ZNF583: variants seen among roughly 807,000 people sequenced by gnomAD.
ZNF583 encodes zinc finger protein 583.
Under a neutral mutation model 55.3 loss-of-function variants are expected in ZNF583, and 30 were observed. The observed-to-expected ratio is 0.54, with a 90% CI of 0.41 to 0.74. ZNF583 has a LOEUF of 0.74. Among genes scored for constraint, ZNF583 ranks in the 30% least tolerant of loss-of-function variants. ZNF583 has a pLI of 0.00. For missense variants in ZNF583, 504 were observed against 664.7 expected (o/e 0.76, Z 2.66); for synonymous variants, 208 against 220.0 (o/e 0.95, Z 0.48).
At chr19:56,416,726 G>A (rs2042330808) in intron 4 of ZNF583, among the ~76,000 whole-genome samples, 1 of 150,518 alleles carries the variant, frequency 6.6e-6, no homozygotes, top group African/African-American at 2.5e-5. Flanking sequence ...AGAGTTTTCT[G>A]GTTTTATTGT....
chr19:56,421,860 G>A (rs2042420947), intron 4 of ZNF583, among the ~76,000 whole-genome samples: 1 of 152,186 alleles, frequency 6.6e-6, no homozygotes, highest in Admixed American at 6.5e-5. Context: ...GCTATGAAGT[G>A]CAAAGCAGGA....
chr19:56,422,736 T>G (rs2147611347), intron 4 of ZNF583, among the ~76,000 whole-genome samples, 155 bp from the exon 5 acceptor site: 1 of 152,318 alleles, frequency 6.6e-6, no homozygotes, highest in Admixed American at 6.5e-5. Flanking sequence ...TAATCAACTC[T>G]CTTAAATTCT....
chr19:56,412,042 A>T (rs975371328), intron 2 of ZNF583, among the ~76,000 whole-genome samples: 3 of 152,250 alleles, frequency 2.0e-5, no homozygotes, highest in Non-Finnish European at 4.4e-5. Flanking sequence ...AGCAGAACTT[A>T]TCCTAGCTGG....
Position 56,423,089 on chromosome 19 carries a change from T to C in ZNF583, c.431T>C (p.Ile144Thr). 1.2e-6 allele frequency: 2 copies of C among 1,612,964 alleles called. No homozygotes were observed. Among genetic ancestry groups the C allele is most frequent in the East Asian group, 2.2e-5 (1 of 44,850 alleles). The change falls in exon 5 of 5, where the codon ATC becomes ACC. Residue 144 changes from isoleucine (I) to threonine (T), a missense_variant. Physicochemically the swap from Ile to Thr is moderately conservative, Grantham distance 89 (BLOSUM62 -1). Transcript: ENST00000333201. ...GAGGTACATCTTAGTCAATTAATCATCACTCATAAAGAAATCCTTCCAGAA... is the reference window on the plus strand; with the variant it reads ...GAGGTACATCTTAGTCAATTAATCACCACTCATAAAGAAATCCTTCCAGAA... ...SQEVHLSQLI[I>T]THKEILPEVQ...
intron 2 of ZNF583, 50 bp from the exon 3 acceptor site, chr19:56,413,907 CAT>C (rs1204223215): frequency 8.1e-6 from 13 of 1,608,796 alleles, no homozygotes; most frequent in East Asian, 2.2e-5. Flanking sequence ...AACTTAGGCT[CAT>C]GTGAGGATAT....
At chr19:56,410,060 T>C (rs2042213662) in intron 2 of ZNF583, among the ~76,000 whole-genome samples, 2 of 152,180 alleles carry the variant, frequency 1.3e-5, no homozygotes, top group South Asian at 4.1e-4. Flanking sequence ...ATGCCTATGG[T>C]GATTTAACTC....
At chr19:56,421,395 T>C (rs1490844627) in intron 4 of ZNF583, 1 of 873,408 alleles carries the variant, frequency 1.1e-6, no homozygotes, top group Admixed American at 6.2e-5. Context: ...GACCCATCAG[T>C]CTTCAGAATT....
intron 4 of ZNF583, among the ~76,000 whole-genome samples, chr19:56,421,013 G>A (rs1270523343): frequency 6.6e-6 from 1 of 151,772 alleles, no homozygotes; most frequent in Non-Finnish European, 1.5e-5. Flanking sequence ...TATTTTATCT[G>A]CTGGCTTGTT....
rs931715402 is a variant in ZNF583 at position 56,426,325 on chromosome 19, A to T, written c.*1957A>T. 6.6e-6 allele frequency: 1 copy of T among 152,190 alleles called. No homozygotes were observed. Among genetic ancestry groups the T allele is most frequent in the African/African-American group, 2.4e-5 (1 of 41,454 alleles). 9.4% of individuals were successfully genotyped at this position (152,190 alleles called of 1,614,324 possible). A position where few individuals can be genotyped will look rare whatever the true frequency, so the allele number is the denominator to read the frequency against. ...AGTGCTTTATCTAAATGTGGAACAA[A>T]CAGTGATTAGAGGAGTCTGTGACAC... On this transcript the variant is annotated 3_prime_UTR_variant, in exon 5 of 5. Coordinates refer to ENST00000333201, the MANE Select transcript of ZNF583 (RefSeq NM_152478.3).
intron 4 of ZNF583, among the ~76,000 whole-genome samples, chr19:56,416,958 A>T (rs764067595): frequency 3.2e-4 from 48 of 152,072 alleles, no homozygotes; most frequent in Non-Finnish European, 1.0e-4. Context: ...ATTTTTTATT[A>T]ATTTGCATCT....
At chr19:56,415,220 A>G (rs866371627) in intron 4 of ZNF583, among the ~76,000 whole-genome samples, 13 of 152,308 alleles carry the variant, frequency 8.5e-5, no homozygotes, top group Middle Eastern at 3.4e-3. Flanking sequence ...AAGAAAAAAG[A>G]AAGCCAATTT....
At chr19:56,412,931 G>A (rs1335297164) in intron 2 of ZNF583, among the ~76,000 whole-genome samples, 6 of 151,894 alleles carry the variant, frequency 4.0e-5, no homozygotes, top group Admixed American at 2.6e-4. Flanking sequence ...CTTTAGAAAC[G>A]GGGTCTCACT....
At position 56,424,322 on chromosome 19, in the gene ZNF583, C is replaced by A. The variant is rs755186839; in HGVS notation, c.1664C>A (p.Pro555His). ...ESFLTLSSPS[P>H]STSNQLPRPV... The stretch of plus-strand genomic sequence containing the variant: ...TTCTTGACTCTTTCCTCTCCCTCAC[C>A]CTCCACATCAAATCAGTTGCCAAGA... The change falls in exon 5 of 5, where the codon CCC becomes CAC. Residue 555 changes from proline to histidine, a missense_variant. Pro to His is a moderately conservative substitution (Grantham distance 77). Coordinates refer to ENST00000333201, the MANE Select transcript of ZNF583 (RefSeq NM_152478.3). 1 of 1,594,204 alleles carries A rather than the reference C, an allele frequency of 6.3e-7. No homozygotes were observed. Among genetic ancestry groups the A allele is most frequent in the South Asian group, 1.1e-5 (1 of 90,632 alleles).
rs1181916828 is a variant in ZNF583, at chr19:56,425,768, C to G, written c.*1400C>G. The G allele has an allele frequency of 6.6e-6, 1 of 152,116 alleles. No individual in the cohort carries two copies. Among genetic ancestry groups the G allele is most frequent in the African/African-American group, 2.4e-5 (1 of 41,420 alleles). The allele number at this position is 152,116 out of a possible 1,614,324, so 9.4% of individuals were successfully genotyped here. A position where few individuals can be genotyped will look rare whatever the true frequency, so the allele number is the denominator to read the frequency against. ...AAGAAAAGAAACCAAAACTGTAGGT[C>G]AGTTCTCATAAACTGGCCCACAAAC... On this transcript the variant is annotated 3_prime_UTR_variant, in exon 5 of 5. Transcript: ENST00000333201.
upstream of ZNF583, chr19:56,404,321 C>T: frequency 6.6e-6 from 1 of 152,442 alleles, no homozygotes; most frequent in Non-Finnish European, 1.5e-5. The surrounding 1 kb of genome is among the most constrained non-coding windows in gnomAD (Gnocchi z 5.2). Flanking sequence ...GCGGCCCCTG[C>T]GGCCTGCCCT....
At position 56,423,996 on chromosome 19, in the gene ZNF583, C is replaced by A. The variant is rs1425184900; in HGVS notation, c.1338C>A (p.Ser446Arg). 2 of 1,614,004 alleles carry A rather than the reference C, an allele frequency of 1.2e-6. No individual in the cohort carries two copies. Among genetic ancestry groups the A allele is most frequent in the Non-Finnish European group, 1.7e-6 (2 of 1,179,986 alleles). ...YECIECGKAF[S>R]NSSSLAQHQR... ...GTATTGAATGTGGGAAGGCCTTTAG[C>A]AATAGTTCATCACTTGCACAACATC... Residue 446 changes from serine to arginine, a missense_variant, in exon 5 of 5, where the codon AGC becomes AGA. Transcript: ENST00000333201.
intron 4 of ZNF583, 39 bp from the exon 5 acceptor site, chr19:56,422,852 A>G (rs772785382): frequency 6.7e-7 from 1 of 1,482,468 alleles, no homozygotes; most frequent in Non-Finnish European, 9.0e-7. Context: ...CTTCTAGTGA[A>G]TTAAATACAA....
Position 56,423,709 on chromosome 19 carries a change from C to A in ZNF583, c.1051C>A (p.Pro351Thr). The change falls in exon 5 of 5, where the codon CCT becomes ACT. Residue 351 changes from proline to threonine, a missense_variant. This residue lies in a region of ZNF583 where 237 missense variants were observed against 373.0 expected (regional missense o/e 0.64). Coordinates refer to ENST00000333201, the MANE Select transcript of ZNF583 (RefSeq NM_152478.3). ...QHQRIHTGEK[P>T]YVCNVCGKAF... ...TCAGAGAATTCATACAGGAGAGAAACCTTATGTGTGTAATGTGTGTGGGAA... is the reference window on the plus strand; with the variant it reads ...TCAGAGAATTCATACAGGAGAGAAAACTTATGTGTGTAATGTGTGTGGGAA... The A allele has an allele frequency of 1.2e-6, 2 of 1,613,852 alleles. No homozygotes were observed. The highest frequency in any genetic ancestry group is 1.7e-6 in the Non-Finnish European group (2 of 1,179,978).
At chr19:56,407,407 A>C (rs2042171799) in intron 2 of ZNF583, among the ~76,000 whole-genome samples, 1 of 152,242 alleles carries the variant, frequency 6.6e-6, no homozygotes, top group African/African-American at 2.4e-5. Context: ...TGGCATATGT[A>C]AACCTTCATT....
Sources: gnomAD v4.1 joint callset for allele counts (sites outside exome capture counted in the v4.1 genomes callset) on GRCh38, gnomAD v4.1.1 for gene constraint, gnomAD v4.1.1 regional missense constraint, Gnocchi (gnomAD v3.1) non-coding constraint, MANE v1.5 for transcripts, NCBI Gene and HGNC (gene_info 2026-07-23, HGNC 2026-07-21) for gene names.